TXNRD3: variants seen among roughly 807,000 people sequenced by gnomAD.
TXNRD3 encodes the protein TXNRD3 neighbor gene protein.
A neutral mutation model predicts 78.2 loss-of-function variants in TXNRD3; 68 were observed. The observed-to-expected ratio is 0.87, with a 90% CI of 0.72 to 1.06. The LOEUF is 1.06. TXNRD3 is among the 50% of genes least tolerant of loss of function. The pLI, the probability that TXNRD3 is intolerant of heterozygous loss-of-function variation, is 0.00. For missense variants in TXNRD3, 751 were observed against 809.5 expected, an observed-to-expected ratio of 0.93 and a Z score of 0.88; for synonymous variants, 296 against 300.1, an observed-to-expected ratio of 0.99 and a Z score of 0.14.
chr3:126,631,925 A>G, intron 7 of TXNRD3, 46 bp from the exon 8 acceptor site: 1 of 1,302,046 alleles, frequency 7.7e-7, no homozygotes, highest in Non-Finnish European at 1.1e-6. Flanking sequence ...ACTACAGAGT[A>G]CCAGACACCC....
rs181394158 is a variant in TXNRD3, at chr3:126,633,919, T to C, written c.845A>G (p.His282Arg). Reference sequence around the variant, plus strand: ...AAACTCAAGCACTACCTTTATTTTATGATGTTCAACAAATTCTCCATAGGA... The same window carrying C: ...AAACTCAAGCACTACCTTTATTTTACGATGTTCAACAAATTCTCCATAGGA... Residue 282 changes from histidine to arginine, a missense_variant, in exon 7 of 16, where the codon CAT becomes CGT. Transcript: ENST00000524230. 323 of 1,501,570 alleles carry C rather than the reference T, an allele frequency of 2.2e-4. 2 individuals are homozygous for C. The highest frequency in any genetic ancestry group is 4.8e-5 in the Non-Finnish European group (54 of 1,131,856). 93.0% of individuals were successfully genotyped at this position (1,501,570 alleles called of 1,614,324 possible). A position where few individuals can be genotyped will look rare whatever the true frequency, so the allele number is the denominator to read the frequency against.
rs559725090 is a variant in TXNRD3 at position 126,607,257 on chromosome 3, A to T, written c.*648T>A. 1 of 152,330 alleles carries T rather than the reference A, an allele frequency of 6.6e-6. No homozygotes were observed. The highest frequency in any genetic ancestry group is 2.4e-5 in the African/African-American group (1 of 41,466). The allele number at this position is 152,330 out of a possible 1,614,324, so 9.4% of individuals were successfully genotyped here. On this transcript the variant is annotated 3_prime_UTR_variant, in exon 16 of 16. Coordinates refer to ENST00000524230, the MANE Select transcript of TXNRD3 (RefSeq NM_052883.3). ...CTCGAGATATTAATTAGGGGAGAAT[A>T]GCTTCAAGGTTATCACCACCAAGTA... is the stretch of plus-strand genomic sequence containing the variant.
chr3:126,632,454 C>T (rs568179888), intron 7 of TXNRD3, among the ~76,000 whole-genome samples: 18 of 151,894 alleles, frequency 1.2e-4, no homozygotes, highest in Admixed American at 3.3e-4. Flanking sequence ...GTCAGGAGTT[C>T]GAGACCAGCC....
At chr3:126,652,825 T>C (rs1356369400) in intron 1 of TXNRD3, among the ~76,000 whole-genome samples, 1 of 152,180 alleles carries the variant, frequency 6.6e-6, no homozygotes, top group Non-Finnish European at 1.5e-5. Flanking sequence ...AATAAGCAAA[T>C]ATAAATTATT....
At chr3:126,646,473 T>C (rs777237) in intron 2 of TXNRD3, among the ~76,000 whole-genome samples, 133,140 of 152,214 alleles carry the variant, frequency 0.87, 59,252 homozygotes, top group Middle Eastern at 0.97. Context: ...TATTATTCAG[T>C]GACTATGCCA....
At position 126,643,967 on chromosome 3, in the gene TXNRD3, G is replaced by A. The variant is rs1352697948; in HGVS notation, c.592+14C>T. The A allele has an allele frequency of 3.9e-6, 6 of 1,533,850 alleles. No homozygotes were observed. Among genetic ancestry groups the A allele is most frequent in the African/African-American group, 2.7e-5 (2 of 72,946 alleles). ...GTAAAGAGCAGAGAGGAACAACAGA[G>A]AAAAACAACTTACCCCAGGATGTGC... On this transcript the variant is annotated intron_variant, in intron 5 of 15. Transcript: ENST00000524230.
At chr3:126,608,988 C>T (rs150618943) in intron 14 of TXNRD3, among the ~76,000 whole-genome samples, 2 of 152,216 alleles carry the variant, frequency 1.3e-5, no homozygotes, top group African/African-American at 4.8e-5. Flanking sequence ...AACTCTAGGG[C>T]AGCAGGTTTT....
intron 7 of TXNRD3, 27 bp from the exon 8 acceptor site, chr3:126,631,906 T>A: frequency 6.9e-7 from 1 of 1,453,102 alleles, no homozygotes; most frequent in East Asian, 2.5e-5. Context: ...TAAACCTCAC[T>A]TAGCAAACAC....
At chr3:126,647,152 C>G (rs1180263885) in intron 2 of TXNRD3, 84 bp downstream of exon 2, 4 of 1,094,250 alleles carry the variant, frequency 3.7e-6, no homozygotes, top group Non-Finnish European at 5.1e-6. Flanking sequence ...CAAGAGTAAT[C>G]TGAATTGAAC....
At chr3:126,652,563 G>A (rs1933415425) in intron 1 of TXNRD3, among the ~76,000 whole-genome samples, 1 of 152,224 alleles carries the variant, frequency 6.6e-6, no homozygotes, top group Non-Finnish European at 1.5e-5. Flanking sequence ...ACTGTCAAGT[G>A]GAGTTTGCAC....
At chr3:126,652,685 G>A (rs1933417930) in intron 1 of TXNRD3, among the ~76,000 whole-genome samples, 1 of 152,224 alleles carries the variant, frequency 6.6e-6, no homozygotes, top group Non-Finnish European at 1.5e-5. Flanking sequence ...GTGTGGGTGT[G>A]TGTGCAAGTG....
Position 126,607,860 on chromosome 3 carries a change from TGAGA to T in TXNRD3, c.*41_*44del, listed in dbSNP as rs1381549884. 1 of 1,432,630 alleles carries T rather than the reference TGAGA, an allele frequency of 7.0e-7. No homozygotes were observed. Among genetic ancestry groups the T allele is most frequent in the African/African-American group, 1.4e-5 (1 of 70,644 alleles). 88.7% of individuals were successfully genotyped at this position (1,432,630 alleles called of 1,614,324 possible). On this transcript the variant is annotated 3_prime_UTR_variant, in exon 16 of 16. Transcript: ENST00000524230. ...TTTTATCCGAGAGCATTCTTATCTT[TGAGA>T]GAAATGAGAATATGACAAGGAGAAC...
intron 10 of TXNRD3, chr3:126,626,011 C>G (rs1053330179): frequency 4.6e-5 from 7 of 152,520 alleles, no homozygotes; most frequent in Non-Finnish European, 8.8e-5. Flanking sequence ...ACACAACTTT[C>G]AGGAAAAGGA....
In TXNRD3 at chr3:126,615,247, A is replaced by G. The variant is rs1157046188; in HGVS notation, c.1632+108T>C. Reference sequence around the variant, plus strand: ...TAAAATAGGAATATGATTTCCTACAATATAACCATCATAGTAACTTGCAAA... The same window carrying G: ...TAAAATAGGAATATGATTTCCTACAGTATAACCATCATAGTAACTTGCAAA... On this transcript the variant is annotated intron_variant, in intron 13 of 15. Transcript: ENST00000524230. 3 of 519,490 alleles carry G rather than the reference A, an allele frequency of 5.8e-6. No homozygotes were observed. The East Asian group carries it at 9.6e-5, about 17-fold the overall frequency. 32.2% of individuals were successfully genotyped at this position (519,490 alleles called of 1,614,324 possible).
intron 10 of TXNRD3, among the ~76,000 whole-genome samples, chr3:126,629,026 A>T (rs1331033538): frequency 6.6e-6 from 1 of 152,238 alleles, no homozygotes; most frequent in Non-Finnish European, 1.5e-5. Flanking sequence ...TTTGAGAAAG[A>T]AAAATAGCTT....
chr3:126,610,943 G>T, intron 14 of TXNRD3, 94 bp downstream of exon 14: 1 of 756,650 alleles, frequency 1.3e-6, no homozygotes, highest in Non-Finnish European at 2.0e-6. Flanking sequence ...GCAAGATCCC[G>T]TCTCTAAAAA....
In TXNRD3 at chr3:126,629,408, T is replaced by C; in HGVS notation, c.1261A>G (p.Thr421Ala). 1 of 1,535,602 alleles carries C rather than the reference T, an allele frequency of 6.5e-7. No homozygotes were observed. The highest frequency in any genetic ancestry group is 8.7e-7 in the Non-Finnish European group (1 of 1,146,532). ...TTATAGACTCCTTCAATTGTTTCTG[T>C]TCCTTCAGTGGATTTAGCCAACACT... The change falls in exon 10 of 16, where the codon ACA becomes GCA. Residue 421 changes from threonine (T) to alanine (A), a missense_variant. By Grantham distance (58) the Thr-to-Ala change is moderately conservative. Transcript: ENST00000524230.
chr3:126,639,918 TA>T (rs1290283034), intron 6 of TXNRD3, among the ~76,000 whole-genome samples: 1 of 151,962 alleles, frequency 6.6e-6, no homozygotes, highest in East Asian at 1.9e-4. Context: ...TGAAAGCAAA[TA>T]AAACTACCCC....
chr3:126,621,368 G>T (rs1938452142), intron 12 of TXNRD3, among the ~76,000 whole-genome samples: 1 of 152,150 alleles, frequency 6.6e-6, no homozygotes, highest in Non-Finnish European at 1.5e-5. Flanking sequence ...ACTTATGAAG[G>T]CTTTCCCCTC....
Sources: gnomAD v4.1 joint callset for allele counts (sites outside exome capture counted in the v4.1 genomes callset) on GRCh38, gnomAD v4.1.1 for gene constraint, MANE v1.5 for transcripts, NCBI Gene and HGNC (gene_info 2026-07-23, HGNC 2026-07-21) for gene names.